Variants in SOBP observed in about 807,000 individuals in gnomAD.
SOBP encodes the protein sine oculis binding protein homolog, also known as sine oculis-binding protein homolog.
In SOBP, 4 loss-of-function variants were observed where a neutral mutation model predicts 53.6. The observed-to-expected ratio is 0.07, with a 90% CI of 0.04 to 0.17. SOBP has a LOEUF of 0.17. SOBP is among the 10% of genes least tolerant of loss of function. The pLI is 1.00. For missense variants in SOBP, 1,088 were observed against 1,204.7 expected (o/e 0.90, Z 1.43); for synonymous variants, 584 against 522.6 (o/e 1.12, Z -1.60).
intron 6 of SOBP, among the ~76,000 whole-genome samples, chr6:107,656,301 A>C (rs183875672): frequency 0.04 from 2,045 of 51,396 alleles, 61 homozygotes; most frequent in African/African-American, 0.091. Context: ...GAAAGAAAGA[A>C]AGAAAGAAAG....
chr6:107,589,694 C>T (rs114958116), intron 5 of SOBP, among the ~76,000 whole-genome samples: 30 of 152,290 alleles, frequency 2.0e-4, no homozygotes, highest in African/African-American at 7.2e-4. Flanking sequence ...GGTGACTGTG[C>T]AGCAGTCTCC....
chr6:107,521,842 A>G (rs554611743), intron 3 of SOBP, among the ~76,000 whole-genome samples: 2 of 151,850 alleles, frequency 1.3e-5, no homozygotes, highest in African/African-American at 4.8e-5. Flanking sequence ...ATTTTATTCT[A>G]GTGAGCAAAA....
At chr6:107,618,117 C>T (rs1583278221) in intron 5 of SOBP, among the ~76,000 whole-genome samples, 2 of 152,286 alleles carry the variant, frequency 1.3e-5, no homozygotes, top group East Asian at 3.9e-4. Context: ...GTGTGAGCCA[C>T]CGTGCGCGGC....
intron 3 of SOBP, among the ~76,000 whole-genome samples, chr6:107,517,233 TAGTC>T (rs1399298769): frequency 6.6e-6 from 1 of 152,222 alleles, no homozygotes; most frequent in Admixed American, 6.5e-5. Flanking sequence ...ATAAATATAT[TAGTC>T]AGCTCAGGCT....
Position 107,535,485 on chromosome 6 carries a change from A to G in SOBP, c.573+1875A>G, listed in dbSNP as rs116869455. Among the ~76,000 whole-genome samples the G allele has an allele frequency of 7.6e-3, 1,151 of 152,304 alleles. 8 individuals carry two copies. Among genetic ancestry groups the G allele is most frequent in the Non-Finnish European group, 0.012 (813 of 68,004 alleles). ...TCTTGCTAAACCTGGAAGTTGCAGC[A>G]GTTTGGTGTTTAGCCAGTGACTTTG... On this transcript the variant is annotated intron_variant, in intron 4 of 6. Transcript: ENST00000317357.
chr6:107,601,703 AT>A (rs1786184874), intron 5 of SOBP, among the ~76,000 whole-genome samples: 1 of 152,184 alleles, frequency 6.6e-6, no homozygotes, highest in African/African-American at 2.4e-5. Flanking sequence ...TGGAACCCCC[AT>A]TCCGCTAAAT....
At chr6:107,529,359 AT>A in intron 3 of SOBP, 1 of 690,836 alleles carries the variant, frequency 1.4e-6, no homozygotes, top group Non-Finnish European at 1.8e-6. Flanking sequence ...ATGTCATTTC[AT>A]GGCATGGGGA....
At chr6:107,573,652 C>T (rs1785141865) in intron 4 of SOBP, among the ~76,000 whole-genome samples, 1 of 152,246 alleles carries the variant, frequency 6.6e-6, no homozygotes, top group South Asian at 2.1e-4. Flanking sequence ...ACTAAGTGGG[C>T]ACATGGGGTG....
chr6:107,523,577 T>A (rs1274387354), intron 3 of SOBP, among the ~76,000 whole-genome samples: 1 of 152,160 alleles, frequency 6.6e-6, no homozygotes, highest in Admixed American at 6.5e-5. Flanking sequence ...CTCCCAGGTG[T>A]CCCTTTGACA....
At chr6:107,642,716 C>T (rs1321063256) in intron 6 of SOBP, among the ~76,000 whole-genome samples, 1 of 152,182 alleles carries the variant, frequency 6.6e-6, no homozygotes, top group African/African-American at 2.4e-5. Flanking sequence ...CCCTCTGAAC[C>T]TCTGGTTTGT....
chr6:107,537,320 AT>A (rs1784027818), intron 4 of SOBP, among the ~76,000 whole-genome samples: 1 of 152,196 alleles, frequency 6.6e-6, no homozygotes, highest in African/African-American at 2.4e-5. Flanking sequence ...GAAATATCTT[AT>A]TGTCCAAACT....
intron 1 of SOBP, among the ~76,000 whole-genome samples, chr6:107,499,488 G>C (rs1452911888): frequency 6.6e-6 from 1 of 152,208 alleles, no homozygotes; most frequent in Admixed American, 6.5e-5. Flanking sequence ...TGGTTTGAGA[G>C]ATGATTTTTG....
chr6:107,619,031 G>A (rs898214881), intron 5 of SOBP, among the ~76,000 whole-genome samples: 3 of 152,192 alleles, frequency 2.0e-5, no homozygotes, highest in African/African-American at 7.2e-5. Flanking sequence ...ACAAGGGGAC[G>A]AGTAACGTTG....
chr6:107,515,569 C>T lies in SOBP; in HGVS notation c.421+9142C>T, dbSNP rs548434139. ...TTTGAGACCGGCCTGGGCAACATGG[C>T]AAAACCCTGTCTCTACTAAAAATAC... On this transcript the variant is annotated intron_variant, in intron 3 of 6. Transcript: ENST00000317357. Among the ~76,000 whole-genome samples the T allele has an allele frequency of 5.6e-3, 855 of 152,150 alleles. 11 individuals carry two copies. Among genetic ancestry groups the T allele is most frequent in the South Asian group, 0.037 (177 of 4,818 alleles).
At chr6:107,623,226 A>G (rs1156549654) in intron 5 of SOBP, among the ~76,000 whole-genome samples, 1 of 152,204 alleles carries the variant, frequency 6.6e-6, no homozygotes, top group Non-Finnish European at 1.5e-5. Flanking sequence ...GGCTTTGTGT[A>G]AAGTTCTGAA....
At chr6:107,597,398 A>G (rs1482451535) in intron 5 of SOBP, among the ~76,000 whole-genome samples, 1 of 152,180 alleles carries the variant, frequency 6.6e-6, no homozygotes, top group Non-Finnish European at 1.5e-5. Context: ...TATGATAGTA[A>G]GTATATGAAT....
Position 107,634,496 on chromosome 6 carries a change from C to T in SOBP, c.1652C>T (p.Pro551Leu), listed in dbSNP as rs1266899701. Reference sequence around the variant, plus strand: ...ATCCCTCACGTCAGCGACTCCAAGCCCCCCAACGGGTTCTCCAGCAACGGG... The same window carrying T: ...ATCCCTCACGTCAGCGACTCCAAGCTCCCCAACGGGTTCTCCAGCAACGGG... ...IPIPHVSDSKPPNGFSSNGEN... is the reference protein window; with the variant it reads ...IPIPHVSDSKLPNGFSSNGEN... The change falls in exon 6 of 7, where the codon CCC becomes CTC. Residue 551 changes from proline to leucine, a missense_variant. Pro to Leu is a moderately conservative substitution (Grantham distance 98). Coordinates refer to ENST00000317357, the MANE Select transcript of SOBP (RefSeq NM_018013.4). The surrounding 1 kb of genome is among the most constrained non-coding windows in gnomAD (Gnocchi z 4.5). 2 of 1,611,840 alleles carry T rather than the reference C, an allele frequency of 1.2e-6. No individual in the cohort carries two copies. Among genetic ancestry groups the T allele is most frequent in the East Asian group, 2.2e-5 (1 of 44,816 alleles).
intron 6 of SOBP, among the ~76,000 whole-genome samples, chr6:107,639,346 A>G (rs1310526690): frequency 1.3e-5 from 2 of 151,958 alleles, no homozygotes; most frequent in Non-Finnish European, 2.9e-5. Context: ...TTTTTTCCCC[A>G]TTTGGAAATT....
At chr6:107,586,261 T>A (rs750870322) in intron 4 of SOBP, among the ~76,000 whole-genome samples, 1 of 152,180 alleles carries the variant, frequency 6.6e-6, no homozygotes, top group Non-Finnish European at 1.5e-5. Flanking sequence ...AGGGCTAAGA[T>A]GAGATGAGAG....
Sources: allele counts gnomAD v4.1 joint callset (sites outside exome capture counted in the v4.1 genomes callset), GRCh38; gene constraint gnomAD v4.1.1; non-coding constraint Gnocchi (gnomAD v3.1); transcripts MANE v1.5; gene names NCBI Gene and HGNC (gene_info 2026-07-23, HGNC 2026-07-21).